Variants in LARGE1 observed in about 807,000 individuals in gnomAD.
LARGE1 encodes the protein LARGE xylosyl- and glucuronyltransferase 1, also known as xylosyl- and glucuronyltransferase LARGE1.
In LARGE1, 43 loss-of-function variants were observed where a neutral mutation model predicts 87.6. The ratio of observed to expected loss-of-function variants is 0.49; its 90% CI spans 0.38 to 0.63. The LOEUF (loss-of-function observed/expected upper bound fraction) is 0.63, where lower values mean the gene tolerates loss of function less well. Ranked by LOEUF, LARGE1 falls within the 30% of genes least tolerant of loss-of-function variation. The pLI is 0.00. For missense variants in LARGE1, 802 were observed against 1,000.2 expected, an observed-to-expected ratio of 0.80 and a Z score of 2.67; for synonymous variants, 434 against 394.6, an observed-to-expected ratio of 1.10 and a Z score of -1.18.
intron 3 of LARGE1, among the ~76,000 whole-genome samples, chr22:33,631,877 G>A (rs2080122675): frequency 6.6e-6 from 1 of 152,202 alleles, no homozygotes; most frequent in Admixed American, 6.5e-5. Context: ...TGCACATGAT[G>A]TTAGGATGGC....
intron 11 of LARGE1, among the ~76,000 whole-genome samples, chr22:33,213,195 G>A (rs1049013421): frequency 6.6e-6 from 1 of 152,152 alleles, no homozygotes; most frequent in Non-Finnish European, 1.5e-5. Flanking sequence ...TAGAAGTAGC[G>A]TGTGAAGAGA....
At chr22:33,902,937 G>A (rs1213144334) in intron 1 of LARGE1, among the ~76,000 whole-genome samples, 4 of 152,124 alleles carry the variant, frequency 2.6e-5, no homozygotes, top group Non-Finnish European at 5.9e-5. Context: ...TTCAAGACCA[G>A]CCTGGCTAAC....
chr22:33,482,324 T>C (rs2069364546), intron 6 of LARGE1, among the ~76,000 whole-genome samples: 1 of 152,200 alleles, frequency 6.6e-6, no homozygotes, highest in Non-Finnish European at 1.5e-5. Flanking sequence ...CTCTTTCCTT[T>C]TTCCTTTCTT....
At chr22:33,219,257 A>G (rs994338408) in intron 11 of LARGE1, among the ~76,000 whole-genome samples, 1 of 152,132 alleles carries the variant, frequency 6.6e-6, no homozygotes, top group Non-Finnish European at 1.5e-5. Flanking sequence ...GTATGAATCC[A>G]TATCTATAAG....
At chr22:33,487,808 A>G (rs1480923459) in intron 6 of LARGE1, among the ~76,000 whole-genome samples, 1 of 152,190 alleles carries the variant, frequency 6.6e-6, no homozygotes, top group Non-Finnish European at 1.5e-5. Context: ...CCTCTTGGGC[A>G]CTTGATGTTG....
intron 1 of LARGE1, among the ~76,000 whole-genome samples, chr22:33,817,692 A>G (rs1018627011): frequency 1.3e-5 from 2 of 152,170 alleles, no homozygotes; most frequent in Non-Finnish European, 2.9e-5. Context: ...CATGCTGGCT[A>G]AACAGCTGTC....
intron 2 of LARGE1, among the ~76,000 whole-genome samples, chr22:33,699,154 A>C (rs1245577936): frequency 6.6e-6 from 1 of 152,210 alleles, no homozygotes; most frequent in Non-Finnish European, 1.5e-5. Flanking sequence ...GCAAGTAGAG[A>C]GCATTTTACA....
chr22:33,181,540 T>TTC (rs1923160892), intron 11 of LARGE1, among the ~76,000 whole-genome samples: 1 of 151,792 alleles, frequency 6.6e-6, no homozygotes, highest in African/African-American at 2.4e-5. Context: ...TACTCTTTTT[T>TTC]TTTTTTTGAA....
At chr22:33,834,691 T>C (rs1406098155) in intron 1 of LARGE1, among the ~76,000 whole-genome samples, 1 of 152,258 alleles carries the variant, frequency 6.6e-6, no homozygotes, top group East Asian at 1.9e-4. Flanking sequence ...GAAAGTACCT[T>C]CGGCAATAAC....
chr22:33,163,295 A>C (rs946160163), exon 12 of LARGE1: 8 of 152,184 alleles, frequency 5.3e-5, no homozygotes, highest in Non-Finnish European at 1.0e-4. Context: ...TTGGGCCTTG[A>C]ATATATTTTC....
chr22:33,107,851 G>A, the LARGE1 span, among the ~76,000 whole-genome samples: 2 of 152,114 alleles, frequency 1.3e-5, no homozygotes, highest in South Asian at 2.1e-4. Context: ...GGAAGACCCT[G>A]TCTCTAAAAT....
At chr22:33,129,953 T>A in the LARGE1 span, among the ~76,000 whole-genome samples, 1 of 152,192 alleles carries the variant, frequency 6.6e-6, no homozygotes, top group African/African-American at 2.4e-5. Flanking sequence ...AACCGTATCA[T>A]CATCGTGGGA....
chr22:33,432,493 T>G (rs866307700), intron 6 of LARGE1, among the ~76,000 whole-genome samples: 1 of 152,194 alleles, frequency 6.6e-6, no homozygotes, highest in East Asian at 1.9e-4. Flanking sequence ...AGAGAAGAAA[T>G]AGAGGCCCAG....
intron 4 of LARGE1, among the ~76,000 whole-genome samples, chr22:33,605,795 C>CA (rs1489850760): frequency 6.6e-6 from 1 of 152,152 alleles, no homozygotes; most frequent in Non-Finnish European, 1.5e-5. Context: ...TGCTCAGAGA[C>CA]AGACGAGCGC....
chr22:33,880,172 C>T (rs183408743), intron 1 of LARGE1, among the ~76,000 whole-genome samples: 4 of 152,294 alleles, frequency 2.6e-5, no homozygotes, highest in Admixed American at 6.5e-5. Context: ...CAAGCATTTC[C>T]GGAAGACCAA....
rs140628039 is a variant in LARGE1, at chr22:33,811,834, A to G, written c.-82-50276T>C. Reference sequence around the variant, plus strand: ...TGGATTAGGAGACACAGGAAGGAGGAGGCCGGAGCATCAGCTAGTGAAATA... The same window carrying G: ...TGGATTAGGAGACACAGGAAGGAGGGGGCCGGAGCATCAGCTAGTGAAATA... On this transcript the variant is annotated intron_variant, in intron 1 of 14. Coordinates refer to ENST00000397394, the MANE Select transcript of LARGE1 (RefSeq NM_133642.5). 4.5e-3 allele frequency among the ~76,000 whole-genome samples: 692 copies of G among 152,326 alleles called. 3 individuals carry two copies. Among genetic ancestry groups the G allele is most frequent in the African/African-American group, 0.015 (637 of 41,576 alleles).
At chr22:33,103,432 C>CAAAAAAAAAAAAAAAA in the LARGE1 span, among the ~76,000 whole-genome samples, 8 of 33,802 alleles carry the variant, frequency 2.4e-4, no homozygotes, top group Non-Finnish European at 3.6e-4. Context: ...GACTCTGTCT[C>CAAAAAAAAAAAAAAAA]AAAAAAAAAA....
chr22:33,481,783 A>G (rs1464970850), intron 6 of LARGE1, among the ~76,000 whole-genome samples: 1 of 152,220 alleles, frequency 6.6e-6, no homozygotes, highest in South Asian at 2.1e-4. Flanking sequence ...CAACTGAAAC[A>G]GAGGTTGACA....
intron 1 of LARGE1, among the ~76,000 whole-genome samples, chr22:33,806,348 C>T (rs920042796): frequency 8.5e-5 from 13 of 152,202 alleles, no homozygotes; most frequent in Non-Finnish European, 1.2e-4. Context: ...TAGGGACACA[C>T]GTGAGCAAGC....
Sources: allele counts gnomAD v4.1 joint callset (sites outside exome capture counted in the v4.1 genomes callset), GRCh38; gene constraint gnomAD v4.1.1; transcripts MANE v1.5; gene names NCBI Gene and HGNC (gene_info 2026-07-23, HGNC 2026-07-21).